Variants in GRXCR2 observed in about 807,000 individuals in gnomAD.
GRXCR2 encodes the protein glutaredoxin domain-containing cysteine-rich protein 2.
A neutral mutation model predicts 24.8 loss-of-function variants in GRXCR2; 23 were observed. The ratio of observed to expected loss-of-function variants is 0.93; its 90% CI spans 0.67 to 1.32. The LOEUF (loss-of-function observed/expected upper bound fraction) is 1.32, where lower values mean the gene tolerates loss of function less well. Among genes scored for constraint, GRXCR2 ranks in the 40% most tolerant of loss-of-function variants. The pLI is 0.00. For synonymous variants in GRXCR2, 130 were observed against 116.1 expected, an observed-to-expected ratio of 1.12 and a Z score of -0.77; for missense variants, 315 against 303.4, an observed-to-expected ratio of 1.04 and a Z score of -0.28.
rs534321154 is a variant in GRXCR2, at chr5:145,885,663, T to A, written c.-69-18935A>T. On this transcript the variant is annotated intron_variant, in intron 2 of 3. Coordinates refer to the GRXCR2 transcript ENST00000639411. ...GCAGGACTTCTTAGAATGTTTAAGA[T>A]ACTAATATACTTTGTCAATCTCCAC... Among the ~76,000 whole-genome samples, 4 of 152,366 alleles carry A rather than the reference T, an allele frequency of 2.6e-5. No individual in the cohort carries two copies. The East Asian group carries it at 7.7e-4, about 29-fold the overall frequency.
At chr5:145,927,978 G>A (rs1757425064) in intron 2 of GRXCR2, among the ~76,000 whole-genome samples, 1 of 151,962 alleles carries the variant, frequency 6.6e-6, no homozygotes, top group Non-Finnish European at 1.5e-5. Flanking sequence ...CTACAGAATG[G>A]GAGAAAATTT....
intron 2 of GRXCR2, among the ~76,000 whole-genome samples, chr5:145,895,197 T>A (rs1223982391): frequency 2.0e-5 from 3 of 152,026 alleles, no homozygotes; most frequent in Non-Finnish European, 2.9e-5. Context: ...GGGCAAAAAC[T>A]GGAAGCATTC....
intron 2 of GRXCR2, among the ~76,000 whole-genome samples, chr5:145,863,632 C>T (rs542899044): frequency 1.3e-5 from 2 of 152,230 alleles, no homozygotes; most frequent in African/African-American, 2.4e-5. Flanking sequence ...TCAACATGTT[C>T]GGTCATCTGC....
chr5:145,891,196 C>G (rs1287971893), intron 2 of GRXCR2, among the ~76,000 whole-genome samples: 1 of 152,158 alleles, frequency 6.6e-6, no homozygotes, highest in African/African-American at 2.4e-5. Flanking sequence ...GTCTACAGCT[C>G]CCAGCTTGAG....
intron 2 of GRXCR2, among the ~76,000 whole-genome samples, chr5:145,894,232 G>A (rs1227946315): frequency 6.6e-6 from 1 of 152,080 alleles, no homozygotes; most frequent in East Asian, 1.9e-4. Context: ...AACTAGAGAA[G>A]CAAGAGCAAA....
chr5:145,916,720 T>C (rs1757246288), intron 2 of GRXCR2, among the ~76,000 whole-genome samples: 1 of 152,132 alleles, frequency 6.6e-6, no homozygotes, highest in African/African-American at 2.4e-5. Context: ...CAAATTAAGG[T>C]GACTTCCTAT....
Position 145,905,262 on chromosome 5 carries a change from A to C in GRXCR2, c.-70+30439T>G, listed in dbSNP as rs151327964. Among the ~76,000 whole-genome samples, 344 of 152,346 alleles carry C rather than the reference A, an allele frequency of 2.3e-3. 6 individuals are homozygous for C. The highest frequency in any genetic ancestry group is 0.02 in the East Asian group (102 of 5,192). On this transcript the variant is annotated intron_variant, in intron 2 of 3. Transcript: ENST00000639411. ...ATGCAGCCCAAAAGTTGCCTAGCTT[A>C]TCAGAGATTCTGTTTCTTTATCCTT... is the stretch of plus-strand genomic sequence containing the variant.
chr5:145,872,718 C>T lies in GRXCR2; in HGVS notation c.251G>A (p.Arg84Lys), dbSNP rs768460753. 19 of 1,613,728 alleles carry T rather than the reference C, an allele frequency of 1.2e-5. No individual in the cohort carries two copies. The highest frequency in any genetic ancestry group is 1.5e-5 in the Non-Finnish European group (18 of 1,179,742). The change falls in exon 1 of 3, where the codon AGG becomes AAG. Residue 84 changes from arginine to lysine, a missense_variant. By Grantham distance (26) the Arg-to-Lys change is conservative. Coordinates refer to ENST00000377976, the MANE Select transcript of GRXCR2 (RefSeq NM_001080516.2). Reference protein sequence around the residue: ...QMCSPKLTAQRISVFREGNAY... With the variant: ...QMCSPKLTAQKISVFREGNAY... ...ATTACCCTCTCTAAACACACTGATCCTCTGAGCAGTCAGCTTAGGGGAGCA... is the reference window on the plus strand; with the variant it reads ...ATTACCCTCTCTAAACACACTGATCTTCTGAGCAGTCAGCTTAGGGGAGCA...
chr5:145,924,455 T>C (rs907402349), intron 2 of GRXCR2, among the ~76,000 whole-genome samples: 1 of 152,184 alleles, frequency 6.6e-6, no homozygotes, highest in Non-Finnish European at 1.5e-5. Flanking sequence ...TTCAGGCTTA[T>C]CTCCCTTTGT....
At chr5:145,915,185 G>T (rs916843669) in intron 2 of GRXCR2, among the ~76,000 whole-genome samples, 8 of 152,174 alleles carry the variant, frequency 5.3e-5, no homozygotes, top group African/African-American at 1.2e-4. Context: ...CTGGGAGGAG[G>T]TTCTACAGAA....
At chr5:145,873,359 T>C (rs1434512000), upstream of GRXCR2, among the ~76,000 whole-genome samples, 1 of 152,232 alleles carries the variant, frequency 6.6e-6, no homozygotes, top group African/African-American at 2.4e-5. Flanking sequence ...GCAATGACAA[T>C]TAAAATCTAG....
upstream of GRXCR2, among the ~76,000 whole-genome samples, chr5:145,877,800 C>T (rs1175385699): frequency 2.0e-5 from 3 of 152,338 alleles, no homozygotes; most frequent in African/African-American, 7.2e-5. Flanking sequence ...TAGGTGGGTG[C>T]CCCTCTGGGA....
intron 2 of GRXCR2, among the ~76,000 whole-genome samples, chr5:145,931,497 C>A (rs1187766482): frequency 6.6e-6 from 1 of 152,200 alleles, no homozygotes; most frequent in Non-Finnish European, 1.5e-5. Context: ...ACACTCCTCA[C>A]CTGCAAACAT....
Position 145,869,733 on chromosome 5 carries a change from A to G in GRXCR2, c.336+2900T>C, listed in dbSNP as rs563328429. Reference sequence around the variant, plus strand: ...CCACCACACCTGGCTAATTTTTTGTATTTTTAGTAGAGACAGGGTTTCACC... The same window carrying G: ...CCACCACACCTGGCTAATTTTTTGTGTTTTTAGTAGAGACAGGGTTTCACC... On this transcript the variant is annotated intron_variant, in intron 1 of 2. Transcript: ENST00000377976. 1.8e-4 allele frequency among the ~76,000 whole-genome samples: 28 copies of G among 152,026 alleles called. No homozygotes were observed. In the South Asian group the frequency reaches 5.8e-3, roughly 32 times the overall value.
chr5:145,929,454 A>G (rs1210473540), intron 2 of GRXCR2, among the ~76,000 whole-genome samples: 1 of 151,986 alleles, frequency 6.6e-6, no homozygotes, highest in East Asian at 1.9e-4. Context: ...CTCATAAGAC[A>G]TTGCAAAAAT....
upstream of GRXCR2, among the ~76,000 whole-genome samples, chr5:145,876,232 T>TATAC (rs1263496354): frequency 2.9e-5 from 3 of 105,258 alleles, no homozygotes; most frequent in African/African-American, 1.0e-4. Flanking sequence ...CACACACACA[T>TATAC]ACCCACACAC....
intron 2 of GRXCR2, among the ~76,000 whole-genome samples, chr5:145,895,051 C>G (rs1581345526): frequency 6.6e-6 from 1 of 152,060 alleles, no homozygotes; most frequent in East Asian, 1.9e-4. Flanking sequence ...ACTACCTCAA[C>G]AGATGCAGAA....
intron 2 of GRXCR2, among the ~76,000 whole-genome samples, chr5:145,931,438 T>C (rs1757476282): frequency 6.6e-6 from 1 of 152,216 alleles, no homozygotes; most frequent in Non-Finnish European, 1.5e-5. Context: ...GCCAGCAGTC[T>C]GGGTCACTTT....
At chr5:145,912,745 G>A (rs71594520) in intron 2 of GRXCR2, among the ~76,000 whole-genome samples, 3,185 of 152,138 alleles carry the variant, frequency 0.021, 42 homozygotes, top group Middle Eastern at 0.048. Context: ...GGCCTAAGGT[G>A]GCACCAGCCT....
Sources: gnomAD v4.1 joint callset for allele counts (sites outside exome capture counted in the v4.1 genomes callset) on GRCh38, gnomAD v4.1.1 for gene constraint, MANE v1.5 for transcripts, NCBI Gene and HGNC (gene_info 2026-07-23, HGNC 2026-07-21) for gene names.